The following HS6ST3 variants were observed in gnomAD, a reference collection of about 807,000 sequenced individuals.
The protein encoded by HS6ST3 is heparan-sulfate 6-O-sulfotransferase 3.
Under a neutral mutation model 36.7 loss-of-function variants are expected in HS6ST3, and 12 were observed. The ratio of observed to expected loss-of-function variants is 0.33; its 90% CI spans 0.21 to 0.53. The LOEUF is 0.53. HS6ST3 is among the 20% of genes least tolerant of loss of function. HS6ST3 has a pLI of 0.95. For missense variants in HS6ST3, 584 were observed against 640.9 expected (o/e 0.91, Z 0.96); for synonymous variants, 240 against 257.5 (o/e 0.93, Z 0.65).
chr13:96,179,379 G>T (rs138864890), intron 1 of HS6ST3, among the ~76,000 whole-genome samples: 1 of 152,232 alleles, frequency 6.6e-6, no homozygotes, highest in African/African-American at 2.4e-5. Flanking sequence ...CTGCAAACCA[G>T]CATTATCTTT....
chr13:96,767,978 G>T (rs529952848), intron 1 of HS6ST3, among the ~76,000 whole-genome samples: 1 of 152,134 alleles, frequency 6.6e-6, no homozygotes, highest in Non-Finnish European at 1.5e-5. Flanking sequence ...TTTGGAAGCC[G>T]TTATACTTTT....
intron 1 of HS6ST3, among the ~76,000 whole-genome samples, chr13:96,366,783 GTAA>G (rs564739631): frequency 2.5e-4 from 38 of 152,254 alleles, no homozygotes; most frequent in Admixed American, 2.2e-3. Flanking sequence ...ACCTTGAATT[GTAA>G]TAATCTCCAT....
At chr13:96,641,836 A>T (rs868373337) in intron 1 of HS6ST3, among the ~76,000 whole-genome samples, 1 of 151,868 alleles carries the variant, frequency 6.6e-6, no homozygotes, top group Non-Finnish European at 1.5e-5. Flanking sequence ...GAAATTATAT[A>T]TTTACCCATT....
intron 1 of HS6ST3, among the ~76,000 whole-genome samples, chr13:96,822,485 T>C (rs559233691): frequency 6.6e-6 from 1 of 152,230 alleles, no homozygotes; most frequent in South Asian, 2.1e-4. Flanking sequence ...TGGGGGAAAG[T>C]GAAAGCAAAT....
chr13:96,238,008 A>C (rs917702427), intron 1 of HS6ST3, among the ~76,000 whole-genome samples: 6 of 152,198 alleles, frequency 3.9e-5, no homozygotes, highest in South Asian at 4.1e-4. Flanking sequence ...TCCAGTTGCC[A>C]TCTTGACATC....
chr13:96,113,818 C>A (rs1407918892), intron 1 of HS6ST3, among the ~76,000 whole-genome samples: 1 of 152,058 alleles, frequency 6.6e-6, no homozygotes, highest in Non-Finnish European at 1.5e-5. Context: ...AAAGTATATG[C>A]ACTAATATAT....
chr13:96,341,084 T>A (rs2139425942), intron 1 of HS6ST3, among the ~76,000 whole-genome samples: 1 of 152,302 alleles, frequency 6.6e-6, no homozygotes, highest in Middle Eastern at 3.4e-3. Context: ...TTTATTTAGA[T>A]CTGTCACAGA....
At chr13:96,110,253 A>G (rs558465212) in intron 1 of HS6ST3, among the ~76,000 whole-genome samples, 1 of 152,110 alleles carries the variant, frequency 6.6e-6, no homozygotes, top group Admixed American at 6.5e-5. Context: ...GAGAAAGAGG[A>G]GGAGGTGCCA....
chr13:96,190,405 T>G (rs560916968), intron 1 of HS6ST3, among the ~76,000 whole-genome samples: 111 of 152,288 alleles, frequency 7.3e-4, no homozygotes, highest in African/African-American at 2.6e-3. Context: ...ACATGTACTT[T>G]TATTGGTTTA....
intron 1 of HS6ST3, among the ~76,000 whole-genome samples, chr13:96,333,034 C>T (rs552267240): frequency 2.0e-5 from 3 of 152,210 alleles, no homozygotes; most frequent in Non-Finnish European, 4.4e-5. Flanking sequence ...GCACCTTGCT[C>T]TTGGACTTCT....
chr13:96,137,249 C>T (rs986056782), intron 1 of HS6ST3, among the ~76,000 whole-genome samples: 1 of 143,254 alleles, frequency 7.0e-6, no homozygotes, highest in African/African-American at 2.6e-5. Context: ...TGCGTGGAAT[C>T]ATACCACATG....
At chr13:96,582,285 A>C (rs888852129) in intron 1 of HS6ST3, among the ~76,000 whole-genome samples, 1 of 152,220 alleles carries the variant, frequency 6.6e-6, no homozygotes, top group Non-Finnish European at 1.5e-5. Context: ...ACAGGGAATT[A>C]GAGAGAGGAT....
At chr13:96,360,332 G>A (rs899242662) in intron 1 of HS6ST3, among the ~76,000 whole-genome samples, 2 of 151,922 alleles carry the variant, frequency 1.3e-5, no homozygotes, top group Non-Finnish European at 2.9e-5. Flanking sequence ...ATAGGGGAAT[G>A]TCTTATTCAG....
At chr13:96,211,375 C>T (rs891388590) in intron 1 of HS6ST3, among the ~76,000 whole-genome samples, 16 of 152,164 alleles carry the variant, frequency 1.1e-4, no homozygotes, top group African/African-American at 3.1e-4. Context: ...CCATGGCCCA[C>T]GGCACCTCTG....
At chr13:96,389,436 C>G (rs1428832214) in intron 1 of HS6ST3, among the ~76,000 whole-genome samples, 1 of 151,944 alleles carries the variant, frequency 6.6e-6, no homozygotes, top group Non-Finnish European at 1.5e-5. Flanking sequence ...ATATGTATAT[C>G]AAGTTGATAT....
rs1030910680 is a variant in HS6ST3 at position 96,836,892 on chromosome 13, T to A, written c.*3694T>A. On this transcript the variant is annotated 3_prime_UTR_variant, in exon 2 of 2. Transcript: ENST00000376705. ...GCCTAGGCCCTCTCCTGTTGCTCTG[T>A]CATCCTAATGTGCTGCATCCACCTC... The A allele has an allele frequency of 6.6e-6, 1 of 152,226 alleles. No individual in the cohort carries two copies. Among genetic ancestry groups the A allele is most frequent in the South Asian group, 2.1e-4 (1 of 4,828 alleles). The allele number at this position is 152,226 out of a possible 1,614,324, so 9.4% of individuals were successfully genotyped here. A position where few individuals can be genotyped will look rare whatever the true frequency, so the allele number is the denominator to read the frequency against.
intron 1 of HS6ST3, among the ~76,000 whole-genome samples, chr13:96,418,533 A>C (rs1470938173): frequency 6.6e-6 from 1 of 152,300 alleles, no homozygotes; most frequent in South Asian, 2.1e-4. Flanking sequence ...AAGCAAGATA[A>C]GCCCTGTCTC....
At chr13:96,094,742 C>T (rs555041847) in intron 1 of HS6ST3, among the ~76,000 whole-genome samples, 59 of 152,256 alleles carry the variant, frequency 3.9e-4, no homozygotes, top group Non-Finnish European at 7.2e-4. Flanking sequence ...GGCAGGACCC[C>T]GGGCTGGTGG....
intron 1 of HS6ST3, among the ~76,000 whole-genome samples, chr13:96,818,376 G>T (rs1481677403): frequency 6.6e-6 from 1 of 152,202 alleles, no homozygotes; most frequent in African/African-American, 2.4e-5. Flanking sequence ...AGTGGATTTT[G>T]AAGAGAACCT....
Sources: gnomAD v4.1 joint callset for allele counts (sites outside exome capture counted in the v4.1 genomes callset) on GRCh38, gnomAD v4.1.1 for gene constraint, MANE v1.5 for transcripts, NCBI Gene and HGNC (gene_info 2026-07-23, HGNC 2026-07-21) for gene names.